GRK3: variants seen among roughly 807,000 people sequenced by gnomAD.
The protein encoded by GRK3 is G protein-coupled receptor kinase 3, also known as adrenergic, beta, receptor kinase 2.
In GRK3, 54 loss-of-function variants were observed where a neutral mutation model predicts 95.7. The ratio of observed to expected loss-of-function variants is 0.56; its 90% CI spans 0.45 to 0.71. GRK3 has a LOEUF of 0.71. Ranked by LOEUF, GRK3 falls within the 30% of genes least tolerant of loss-of-function variation. The probability of loss-of-function intolerance (pLI) is 0.00; values close to 1 mark genes in which losing one functional copy is unlikely to be tolerated. For missense variants in GRK3, 649 were observed against 851.2 expected (o/e 0.76, Z 2.96); for synonymous variants, 281 against 290.8 (o/e 0.97, Z 0.34).
intron 2 of GRK3, among the ~76,000 whole-genome samples, chr22:25,618,721 C>A (rs2084558174): frequency 6.8e-6 from 1 of 146,784 alleles, no homozygotes; most frequent in Non-Finnish European, 1.5e-5. Flanking sequence ...TGTACCTCTT[C>A]ATTTTTTTTT....
rs755429053 is a variant in GRK3 at position 25,674,466 on chromosome 22, G to A, written c.585G>A (p.Arg195=). 9.9e-6 allele frequency: 16 copies of A among 1,613,978 alleles called. No homozygotes were observed. The highest frequency in any genetic ancestry group is 1.4e-5 in the Non-Finnish European group (16 of 1,179,968). Residue 195 remains arginine (R), a synonymous_variant, in exon 8 of 21, where the codon AGG becomes AGA. Coordinates refer to ENST00000324198, the MANE Select transcript of GRK3 (RefSeq NM_005160.4). ...CCATGAATGAGTTCAGTGTGCATAG[G>A]ATTATTGGACGAGGAGGATTCGGGG... ...HLTMNEFSVH[R]IIGRGGFGEV...
chr22:25,667,282 A>G (rs1485960918), intron 5 of GRK3, among the ~76,000 whole-genome samples: 2 of 152,244 alleles, frequency 1.3e-5, no homozygotes, highest in Non-Finnish European at 2.9e-5. Flanking sequence ...TGCAGATTAC[A>G]GATGCTTTTA....
intron 1 of GRK3, among the ~76,000 whole-genome samples, chr22:25,583,538 G>T (rs1932181770): frequency 6.6e-6 from 1 of 152,044 alleles, no homozygotes; most frequent in Admixed American, 6.5e-5. Context: ...CAGTCACACT[G>T]TTTAGACTGT....
intron 19 of GRK3, among the ~76,000 whole-genome samples, chr22:25,719,292 C>T (rs990005485): frequency 3.9e-5 from 6 of 152,138 alleles, no homozygotes; most frequent in Admixed American, 2.6e-4. Flanking sequence ...AAGTCTGCCA[C>T]CCAAAAACAC....
chr22:25,722,392 C>T lies in GRK3; in HGVS notation c.2009C>T (p.Ser670Leu), dbSNP rs1269755776. 1 of 1,614,138 alleles carries T rather than the reference C, an allele frequency of 6.2e-7. No homozygotes were observed. Among genetic ancestry groups the T allele is most frequent in the Admixed American group, 1.7e-5 (1 of 60,020 alleles). Residue 670 changes from serine to leucine, a missense_variant, in exon 21 of 21, where the codon TCA becomes TTA. Ser to Leu is a moderately radical substitution (Grantham distance 145, BLOSUM62 -2). Around this residue, in one of 3 missense-constraint regions of GRK3, gnomAD observed 382 missense variants for 493.8 expected, o/e 0.77. Transcript: ENST00000324198. ...RAPKFLNKPRSGTVELPKPSL... is the reference protein window; with the variant it reads ...RAPKFLNKPRLGTVELPKPSL... Reference sequence around the variant, plus strand: ...CCGAAGTTCCTCAACAAACCTCGGTCAGGTACTGTGGAGCTCCCAAAGCCA... The same window carrying T: ...CCGAAGTTCCTCAACAAACCTCGGTTAGGTACTGTGGAGCTCCCAAAGCCA...
intron 1 of GRK3, among the ~76,000 whole-genome samples, chr22:25,588,830 A>AAGATCATAGCTCACTGC (rs937962883): frequency 6.7e-6 from 1 of 149,518 alleles, no homozygotes; most frequent in Non-Finnish European, 1.5e-5. Context: ...GTACAGTGGT[A>AAGATCATAGCTCACTGC]AGATCATAGC....
At chr22:25,719,917 A>T (rs1404411849) in intron 19 of GRK3, among the ~76,000 whole-genome samples, 1 of 152,240 alleles carries the variant, frequency 6.6e-6, no homozygotes, top group African/African-American at 2.4e-5. Flanking sequence ...TTACAATTGC[A>T]TATCACTCCA....
intron 1 of GRK3, among the ~76,000 whole-genome samples, chr22:25,569,027 G>A (rs1256282425): frequency 6.6e-6 from 1 of 152,090 alleles, no homozygotes; most frequent in Admixed American, 6.5e-5. Flanking sequence ...GAGTTTATTC[G>A]GTAATTGTTT....
chr22:25,579,581 T>G (rs1285764871), intron 1 of GRK3, among the ~76,000 whole-genome samples: 1 of 152,042 alleles, frequency 6.6e-6, no homozygotes, highest in Non-Finnish European at 1.5e-5. Context: ...CACGGCATTC[T>G]CCTGCCTCAG....
Position 25,721,386 on chromosome 22 carries a change from T to C in GRK3, c.1894T>C (p.Leu632=). The change falls in exon 20 of 21, where the codon TTG becomes CTG. Residue 632 remains leucine (L), a synonymous_variant. Coordinates refer to ENST00000324198, the MANE Select transcript of GRK3 (RefSeq NM_005160.4). ...FRIKGGKQFV[L]QCESDPEFVQ... ...AATAAAAGGAGGGAAACAATTTGTC[T>C]TGCAATGTGAGGTGAGTTTTTATTT... The C allele has an allele frequency of 1.3e-6, 2 of 1,573,198 alleles. No homozygotes were observed. Among genetic ancestry groups the C allele is most frequent in the Non-Finnish European group, 8.7e-7 (1 of 1,150,950 alleles).
At chr22:25,677,817 C>T (rs2085043804) in intron 8 of GRK3, among the ~76,000 whole-genome samples, 1 of 152,196 alleles carries the variant, frequency 6.6e-6, no homozygotes, top group Non-Finnish European at 1.5e-5. Flanking sequence ...AAAACACTTG[C>T]AAGAATTCCC....
intron 1 of GRK3, among the ~76,000 whole-genome samples, chr22:25,603,020 G>A (rs1302296811): frequency 6.6e-6 from 1 of 152,156 alleles, no homozygotes; most frequent in Non-Finnish European, 1.5e-5. Flanking sequence ...GGGTTCAAGT[G>A]ATTCTCCTGC....
intron 1 of GRK3, among the ~76,000 whole-genome samples, chr22:25,600,735 T>C (rs1312271794): frequency 1.3e-5 from 2 of 150,526 alleles, no homozygotes; most frequent in African/African-American, 2.5e-5. Flanking sequence ...AACTCATGGC[T>C]TGTATACCAA....
At chr22:25,687,413 GTA>G (rs767903731) in intron 10 of GRK3, 122 bp from the exon 11 acceptor site, 1 of 922,620 alleles carries the variant, frequency 1.1e-6, no homozygotes, top group East Asian at 2.6e-5. Flanking sequence ...TGAAACATAG[GTA>G]TATAGACCAA....
At chr22:25,719,727 A>G (rs957155312) in intron 19 of GRK3, among the ~76,000 whole-genome samples, 1 of 151,770 alleles carries the variant, frequency 6.6e-6, no homozygotes, top group Non-Finnish European at 1.5e-5. Context: ...AGTCATCGTA[A>G]GCAGGACGAT....
chr22:25,695,355 ACT>A (rs1345496676), intron 13 of GRK3, 141 bp downstream of exon 13: 1 of 583,194 alleles, frequency 1.7e-6, no homozygotes, highest in Non-Finnish European at 3.0e-6. Flanking sequence ...AATCTGGAAG[ACT>A]CTGTCTTAGA....
chr22:25,599,001 T>C (rs1362450730), intron 1 of GRK3, among the ~76,000 whole-genome samples: 1 of 152,146 alleles, frequency 6.6e-6, no homozygotes, highest in Non-Finnish European at 1.5e-5. Flanking sequence ...AATGTCCATA[T>C]GCAAAAACAA....
chr22:25,644,539 GA>G, intron 2 of GRK3, 52 bp from the exon 3 acceptor site: 1 of 855,346 alleles, frequency 1.2e-6, no homozygotes, highest in South Asian at 1.6e-5. Flanking sequence ...ACCCTTGTGG[GA>G]TAAAATTTCA....
At chr22:25,648,706 T>C (rs1267845856) in intron 3 of GRK3, 1 of 1,041,684 alleles carries the variant, frequency 9.6e-7, no homozygotes, top group African/African-American at 1.6e-5. Flanking sequence ...GGAAAGTATT[T>C]GAAGCTTCCA....
Sources: gnomAD v4.1 joint callset for allele counts (sites outside exome capture counted in the v4.1 genomes callset) on GRCh38, gnomAD v4.1.1 for gene constraint, gnomAD v4.1.1 regional missense constraint, MANE v1.5 for transcripts, NCBI Gene and HGNC (gene_info 2026-07-23, HGNC 2026-07-21) for gene names.